The following MDFIC2 variants were observed in gnomAD, a reference collection of about 807,000 sequenced individuals.
MDFIC2 encodes the protein MyoD family inhibitor domain containing 2, also known as myoD family inhibitor domain-containing protein 2.
intron 2 of MDFIC2, among the ~76,000 whole-genome samples, chr3:70,231,143 A>T (rs1323628767): frequency 6.6e-6 from 1 of 152,244 alleles, no homozygotes; most frequent in African/African-American, 2.4e-5. Flanking sequence ...TCGTACATGT[A>T]CGTGAAAAAT....
chr3:70,195,214 A>G lies in MDFIC2; in HGVS notation c.*1712T>C, dbSNP rs183712157. Among the ~76,000 whole-genome samples, 1 of 151,180 alleles carries G rather than the reference A, an allele frequency of 6.6e-6. No individual in the cohort carries two copies. The highest frequency in any genetic ancestry group is 6.6e-5 in the Admixed American group (1 of 15,166). ...TGTTCCCTTCCTGTTCTAGGAATCT[A>G]TTTTTTTTTCTTCTAATGATCTACA... On this transcript the variant is annotated 3_prime_UTR_variant, in exon 4 of 4. Coordinates refer to ENST00000567252, the MANE Select transcript of MDFIC2 (RefSeq NM_001364677.1).
intron 2 of MDFIC2, among the ~76,000 whole-genome samples, chr3:70,274,124 A>C (rs1702000191): frequency 6.6e-6 from 1 of 151,338 alleles, no homozygotes; most frequent in Non-Finnish European, 1.5e-5. Context: ...AGACTGGGCT[A>C]AAGAAATACC....
chr3:70,222,333 C>T (rs1184126974), intron 2 of MDFIC2, among the ~76,000 whole-genome samples: 1 of 152,206 alleles, frequency 6.6e-6, no homozygotes, highest in Non-Finnish European at 1.5e-5. Flanking sequence ...GAAGATAAAA[C>T]TACTCATTTT....
intron 2 of MDFIC2, among the ~76,000 whole-genome samples, chr3:70,221,333 G>T (rs2106736937): frequency 6.6e-6 from 1 of 152,196 alleles, no homozygotes; most frequent in East Asian, 1.9e-4. Context: ...AAAACCCAAT[G>T]CGGAAGTTAT....
At chr3:70,285,919 T>C (rs577486484) in intron 2 of MDFIC2, among the ~76,000 whole-genome samples, 1 of 151,644 alleles carries the variant, frequency 6.6e-6, no homozygotes, top group East Asian at 1.9e-4. Context: ...GTTTTTTTCT[T>C]GTAAATTTGT....
chr3:70,280,371 A>T (rs1702068511), intron 2 of MDFIC2, among the ~76,000 whole-genome samples: 1 of 152,138 alleles, frequency 6.6e-6, no homozygotes, highest in South Asian at 2.1e-4. Flanking sequence ...GGTTCCAGGA[A>T]TCAGGACCTG....
At chr3:70,253,225 G>C (rs188419211) in intron 2 of MDFIC2, among the ~76,000 whole-genome samples, 49 of 152,194 alleles carry the variant, frequency 3.2e-4, no homozygotes, top group Non-Finnish European at 1.5e-5. Flanking sequence ...TACTGAGAAG[G>C]TGCCTTTTAG....
At chr3:70,243,699 C>T (rs923866577) in intron 2 of MDFIC2, among the ~76,000 whole-genome samples, 3 of 152,108 alleles carry the variant, frequency 2.0e-5, no homozygotes, top group Non-Finnish European at 4.4e-5. Context: ...TTCCTAACGT[C>T]CCCTGGGGAG....
intron 2 of MDFIC2, among the ~76,000 whole-genome samples, chr3:70,276,659 A>G (rs1036886699): frequency 7.2e-5 from 11 of 152,224 alleles, no homozygotes; most frequent in Non-Finnish European, 1.6e-4. Flanking sequence ...ACTGTGACCC[A>G]TGGTCTACAT....
At chr3:70,219,961 G>C (rs922429444) in intron 2 of MDFIC2, among the ~76,000 whole-genome samples, 2 of 152,126 alleles carry the variant, frequency 1.3e-5, no homozygotes, top group African/African-American at 4.8e-5. Flanking sequence ...ATTTCTGAGA[G>C]TGTGCTCCAC....
rs921377304 is a variant in MDFIC2 at position 70,260,462 on chromosome 3, C to T, written c.88+51424G>A. ...GGTTAGTACCTCAACATATTTTTTA[C>T]ATCCCCTCAGTTCAACTCGTAACAG... On this transcript the variant is annotated intron_variant, in intron 2 of 3. Transcript: ENST00000567252. Among the ~76,000 whole-genome samples the T allele has an allele frequency of 2.6e-5, 4 of 152,088 alleles. No homozygotes were observed. The East Asian group carries it at 7.7e-4, about 29-fold the overall frequency.
chr3:70,261,847 G>A (rs895272715), intron 2 of MDFIC2, among the ~76,000 whole-genome samples: 10 of 152,056 alleles, frequency 6.6e-5, no homozygotes, highest in African/African-American at 1.9e-4. Context: ...CTGAATGCCC[G>A]AACCCTTTTA....
At chr3:70,208,977 T>A (rs56149550) in intron 2 of MDFIC2, among the ~76,000 whole-genome samples, 29,826 of 152,020 alleles carry the variant, frequency 0.2, 3,351 homozygotes, top group Non-Finnish European at 0.26. Context: ...GTATTGAATA[T>A]TGAAGTGGAA....
chr3:70,246,910 G>T (rs2106647024), intron 2 of MDFIC2, among the ~76,000 whole-genome samples: 1 of 151,924 alleles, frequency 6.6e-6, no homozygotes, highest in African/African-American at 2.4e-5. Context: ...ATTATATTTA[G>T]ACATGACTCT....
intron 2 of MDFIC2, among the ~76,000 whole-genome samples, chr3:70,279,210 T>C (rs1170503868): frequency 6.6e-6 from 1 of 151,834 alleles, no homozygotes; most frequent in Non-Finnish European, 1.5e-5. Flanking sequence ...ATGCTTTGCA[T>C]GTAGTGTTTC....
intron 2 of MDFIC2, among the ~76,000 whole-genome samples, chr3:70,230,369 A>G (rs1208561629): frequency 6.6e-6 from 1 of 152,220 alleles, no homozygotes; most frequent in African/African-American, 2.4e-5. Flanking sequence ...TCACCAGGAT[A>G]TCCTTTCATA....
chr3:70,218,414 G>A (rs6549299), intron 2 of MDFIC2, among the ~76,000 whole-genome samples: 150,025 of 152,228 alleles, frequency 0.99, 73,959 homozygotes, highest in East Asian at 1. Flanking sequence ...AAGCTTTACA[G>A]TAAAAAATCT....
At chr3:70,286,041 G>A (rs1702159590) in intron 2 of MDFIC2, among the ~76,000 whole-genome samples, 1 of 152,086 alleles carries the variant, frequency 6.6e-6, no homozygotes, top group East Asian at 1.9e-4. Flanking sequence ...TTCTTTTGCT[G>A]TGCAGAAGCT....
intron 2 of MDFIC2, among the ~76,000 whole-genome samples, chr3:70,279,367 T>C (rs1038741403): frequency 6.6e-6 from 1 of 152,102 alleles, no homozygotes; most frequent in Admixed American, 6.5e-5. Context: ...TCGATTCCAA[T>C]GGTCATTTGA....
Sources: gnomAD v4.1 joint callset for allele counts (sites outside exome capture counted in the v4.1 genomes callset) on GRCh38, gnomAD v4.1.1 for gene constraint, MANE v1.5 for transcripts, NCBI Gene and HGNC (gene_info 2026-07-23, HGNC 2026-07-21) for gene names.